Variants in HELB observed in about 807,000 individuals in gnomAD.
HELB encodes DNA helicase B.
A neutral mutation model predicts 101.7 loss-of-function variants in HELB; 96 were observed. The observed-to-expected ratio is 0.94, with a 90% CI of 0.80 to 1.12. The LOEUF (loss-of-function observed/expected upper bound fraction) is 1.12. HELB is among the 50% of genes most tolerant of loss of function. The probability of loss-of-function intolerance (pLI) is 0.00; values close to 1 mark genes in which losing one functional copy is unlikely to be tolerated. For missense variants in HELB, 1,210 were observed against 1,291.9 expected (o/e 0.94, Z 0.97); for synonymous variants, 437 against 459.7 (o/e 0.95, Z 0.63).
Position 66,310,520 on chromosome 12 carries a change from C to T in HELB, c.1592C>T (p.Ala531Val). 6.2e-7 allele frequency: 1 copy of T among 1,614,162 alleles called. No homozygotes were observed. Among genetic ancestry groups the T allele is most frequent in the Non-Finnish European group, 8.5e-7 (1 of 1,180,004 alleles). Residue 531 changes from alanine (A) to valine (V), a missense_variant, in exon 4 of 13, where the codon GCT (alanine) becomes GTT (valine). Coordinates refer to ENST00000247815, the MANE Select transcript of HELB (RefSeq NM_001370285.1). Reference sequence around the variant, plus strand: ...CAAAGTCAACTAGAGGCGGACAAGGCTATAGAAGTTTTGCTCACAGCACCT... The same window carrying T: ...CAAAGTCAACTAGAGGCGGACAAGGTTATAGAAGTTTTGCTCACAGCACCT... Reference protein sequence around the residue: ...TEQSQLEADKAIEVLLTAPTG... With the variant: ...TEQSQLEADKVIEVLLTAPTG...
Position 66,304,734 on chromosome 12 carries a change from C to A in HELB, c.191C>A (p.Ser64Tyr). 1.9e-6 allele frequency: 3 copies of A among 1,577,140 alleles called. No homozygotes were observed. The highest frequency in any genetic ancestry group is 1.7e-6 in the Non-Finnish European group (2 of 1,164,692). Residue 64 changes from serine (S) to tyrosine (Y), a missense_variant, in exon 2 of 13, where the codon TCT (serine) becomes TAT (tyrosine). Ser to Tyr is a moderately radical substitution (Grantham distance 144). Coordinates refer to ENST00000247815, the MANE Select transcript of HELB (RefSeq NM_001370285.1). Reference sequence around the variant, plus strand: ...GTTTTTGTTTGTTTTTTTTTAGTTTCTATTTGTGATGAAAACACACAAGAG... The same window carrying A: ...GTTTTTGTTTGTTTTTTTTTAGTTTATATTTGTGATGAAAACACACAAGAG... ...AGSLPGCLRVSICDENTQETC... is the reference protein window; with the variant it reads ...AGSLPGCLRVYICDENTQETC...
At chr12:66,316,675 G>A (rs2053609517) in intron 6 of HELB, among the ~76,000 whole-genome samples, 1 of 151,788 alleles carries the variant, frequency 6.6e-6, no homozygotes, top group African/African-American at 2.4e-5. Context: ...CCTGAGGTCA[G>A]GAGTTTGAGA....
At chr12:66,313,927 A>G in intron 4 of HELB, 59 bp from the exon 5 acceptor site, 3 of 1,494,118 alleles carry the variant, frequency 2.0e-6, no homozygotes, top group Non-Finnish European at 2.8e-6. Context: ...ACTTGCTATT[A>G]ATTTTTGGTT....
intron 2 of HELB, 88 bp downstream of exon 2, chr12:66,305,238 CTTTT>C: frequency 1.2e-6 from 1 of 841,966 alleles, no homozygotes; most frequent in Non-Finnish European, 1.8e-6. Flanking sequence ...GCATAGTATT[CTTTT>C]TAAAAATCCA....
intron 9 of HELB, 86 bp downstream of exon 9, chr12:66,322,869 AT>A: frequency 1.3e-6 from 1 of 767,012 alleles, no homozygotes; most frequent in Non-Finnish European, 2.2e-6. Flanking sequence ...TTTGTCACCT[AT>A]TTACATATAT....
At chr12:66,311,654 C>T (rs2053546522) in intron 4 of HELB, among the ~76,000 whole-genome samples, 1 of 152,100 alleles carries the variant, frequency 6.6e-6, no homozygotes. Flanking sequence ...GGACTTTGCT[C>T]ATCTGGAATA....
intron 9 of HELB, 57 bp from the exon 10 acceptor site, chr12:66,323,926 A>G: frequency 8.8e-7 from 1 of 1,141,666 alleles, no homozygotes; most frequent in Non-Finnish European, 1.3e-6. Context: ...TAATGTTTGA[A>G]CAAGTGAAAC....
chr12:66,336,137 T>TA (rs1158023099), intron 12 of HELB, among the ~76,000 whole-genome samples: 2 of 152,194 alleles, frequency 1.3e-5, no homozygotes, highest in Non-Finnish European at 2.9e-5. Context: ...AACTTTTTTT[T>TA]AAAAAATCAG....
Position 66,310,349 on chromosome 12 carries a change from G to T in HELB, c.1421G>T (p.Ser474Ile). The part of the protein sequence containing the change: ...MICSNPVTVI[S>I]GKGGCGKTTI... The stretch of plus-strand genomic sequence containing the variant: ...TGCTCCAATCCTGTGACAGTCATAA[G>T]TGGGAAAGGTGGATGTGGGAAGACC... The change falls in exon 4 of 13, where the codon AGT (serine) becomes ATT (isoleucine). Residue 474 changes from serine (S) to isoleucine (I), a missense_variant. By Grantham distance (142) the Ser-to-Ile change is moderately radical (BLOSUM62 -2). This residue lies in a region of HELB where 740 missense variants were observed against 728.8 expected (regional missense o/e 1.02). Coordinates refer to ENST00000247815, the MANE Select transcript of HELB (RefSeq NM_001370285.1). 1 of 1,614,216 alleles carries T rather than the reference G, an allele frequency of 6.2e-7. No individual in the cohort carries two copies. The highest frequency in any genetic ancestry group is 8.5e-7 in the Non-Finnish European group (1 of 1,180,034).
intron 11 of HELB, among the ~76,000 whole-genome samples, chr12:66,329,712 G>A (rs2053783486): frequency 6.6e-6 from 1 of 151,882 alleles, no homozygotes; most frequent in Non-Finnish European, 1.5e-5. Context: ...GAAGGTACAG[G>A]GAGACTGATA....
intron 12 of HELB, among the ~76,000 whole-genome samples, chr12:66,334,825 C>T (rs2053849298): frequency 6.6e-6 from 1 of 151,962 alleles, no homozygotes; most frequent in South Asian, 2.1e-4. Context: ...TAAACAATCC[C>T]TCTGGCTTCT....
chr12:66,316,987 C>G (rs1326288983), intron 6 of HELB, among the ~76,000 whole-genome samples: 1 of 147,026 alleles, frequency 6.8e-6, no homozygotes, highest in African/African-American at 2.5e-5. Context: ...CCACTGCACT[C>G]CAGCCTGGGT....
chr12:66,312,705 A>G (rs954821194), intron 4 of HELB, among the ~76,000 whole-genome samples: 3 of 152,246 alleles, frequency 2.0e-5, no homozygotes, highest in South Asian at 4.1e-4. Context: ...GTTTAGGCTC[A>G]GGAGAGAGTG....
chr12:66,314,916 A>G (rs1034771528), intron 5 of HELB, among the ~76,000 whole-genome samples: 5 of 151,672 alleles, frequency 3.3e-5, no homozygotes, highest in Non-Finnish European at 7.4e-5. Context: ...TATCTATTTG[A>G]GGCTGTAGAT....
chr12:66,342,198 G>GA (rs1301270327), downstream of HELB: 2 of 152,064 alleles, frequency 1.3e-5, no homozygotes, highest in Admixed American at 6.5e-5. Context: ...GTGAGGTAGG[G>GA]ATCCCACATT....
At chr12:66,330,613 T>C (rs2137014257) in intron 11 of HELB, among the ~76,000 whole-genome samples, 1 of 148,462 alleles carries the variant, frequency 6.7e-6, no homozygotes, top group Non-Finnish European at 1.5e-5. Context: ...GGCTTTAAAG[T>C]ATCTCTGATG....
Position 66,304,773 on chromosome 12 carries a change from T to C in HELB, c.230T>C (p.Phe77Ser), listed in dbSNP as rs2053453097. The C allele has an allele frequency of 6.2e-7, 1 of 1,614,024 alleles. No homozygotes were observed. Among genetic ancestry groups the C allele is most frequent in the Non-Finnish European group, 8.5e-7 (1 of 1,179,950 alleles). ...DENTQETCKV[F>S]GRFPITGAWW... ...AACACACAAGAGACATGTAAAGTGT[T>C]TGGACGTTTTCCGATAACAGGTGCT... is the stretch of plus-strand genomic sequence containing the variant. The change falls in exon 2 of 13, where the codon TTT becomes TCT. Residue 77 changes from phenylalanine (F) to serine (S), a missense_variant. Around this residue, in one of 2 missense-constraint regions of HELB, gnomAD observed 470 missense variants for 563.1 expected, o/e 0.83. Transcript: ENST00000247815.
chr12:66,327,035 C>CAAAAAA (rs756031862), intron 11 of HELB, among the ~76,000 whole-genome samples: 19 of 41,700 alleles, frequency 4.6e-4, no homozygotes, highest in Admixed American at 1.0e-3. Context: ...GACTTCATCT[C>CAAAAAA]AAAAAAAAAA....
intron 2 of HELB, 85 bp from the exon 3 acceptor site, chr12:66,306,260 G>A: frequency 2.8e-6 from 3 of 1,067,922 alleles, no homozygotes; most frequent in East Asian, 2.6e-5. Flanking sequence ...TCTTGAATCG[G>A]TTGTGCAAAA....
Sources: allele counts gnomAD v4.1 joint callset (sites outside exome capture counted in the v4.1 genomes callset), GRCh38; gene constraint gnomAD v4.1.1; regional missense constraint gnomAD v4.1.1; transcripts MANE v1.5; gene names NCBI Gene and HGNC (gene_info 2026-07-23, HGNC 2026-07-21).